The following WDFY3 variants were observed in gnomAD, a reference collection of about 807,000 sequenced individuals.
WDFY3 encodes the protein WD repeat and FYVE domain-containing protein 3.
A neutral mutation model predicts 409.6 loss-of-function variants in WDFY3; 66 were observed. The ratio of observed to expected loss-of-function variants is 0.16; its 90% CI spans 0.13 to 0.20. The LOEUF (loss-of-function observed/expected upper bound fraction) is 0.20. Ranked by LOEUF, WDFY3 falls within the 10% of genes least tolerant of loss-of-function variation. The pLI is 1.00. For synonymous variants in WDFY3, 1,521 were observed against 1,537.1 expected (o/e 0.99, Z 0.25); for missense variants, 3,031 against 4,298.1 (o/e 0.71, Z 8.24).
chr4:84,910,665 A>G (rs1251852293), intron 2 of WDFY3, among the ~76,000 whole-genome samples: 1 of 152,092 alleles, frequency 6.6e-6, no homozygotes, highest in East Asian at 1.9e-4. Flanking sequence ...AGCTGAAACT[A>G]TAAAGTTCTT....
rs1756660829 is a variant in WDFY3 at position 84,836,961 on chromosome 4, G to A, written c.544C>T (p.Arg182Cys). 1.3e-6 allele frequency: 2 copies of A among 1,585,158 alleles called. No homozygotes were observed. Among genetic ancestry groups the A allele is most frequent in the Admixed American group, 1.8e-5 (1 of 56,192 alleles). ...GAQNELPLAE[R>C]RGLLQKVFVQ... ...AAAACTTTCTGGAGTAGTCCTCGAC[G>A]TTCTGCTAGAGGTAGCTCATTCTGT... The change falls in exon 7 of 68, where the codon CGT becomes TGT. Residue 182 changes from arginine (R) to cysteine (C), a missense_variant. This residue lies in a region of WDFY3 where 1,322 missense variants were observed against 1,697.9 expected (regional missense o/e 0.78). Coordinates refer to ENST00000295888, the MANE Select transcript of WDFY3 (RefSeq NM_014991.6).
chr4:84,677,479 G>C, intron 66 of WDFY3, 83 bp from the exon 67 acceptor site: 1 of 1,381,238 alleles, frequency 7.2e-7, no homozygotes, highest in Non-Finnish European at 9.7e-7. Flanking sequence ...TTTGGTGGAT[G>C]TGTGTTTTGA....
chr4:84,788,115 TA>T (rs1483977467), intron 22 of WDFY3, among the ~76,000 whole-genome samples: 1 of 152,194 alleles, frequency 6.6e-6, no homozygotes, highest in African/African-American at 2.4e-5. Context: ...GTCTGTTAAC[TA>T]AAATTACTGA....
chr4:84,773,529 C>T lies in WDFY3; in HGVS notation c.4755-600G>A, dbSNP rs780770905. 3.3e-5 allele frequency among the ~76,000 whole-genome samples: 5 copies of T among 151,974 alleles called. No individual in the cohort carries two copies. The East Asian group carries it at 9.7e-4, about 29-fold the overall frequency. Reference sequence around the variant, plus strand: ...ACTGTATCACATTCGAATTACGTGACCTGGGGCTTTGTTTCTTCATTTATA... The same window carrying T: ...ACTGTATCACATTCGAATTACGTGATCTGGGGCTTTGTTTCTTCATTTATA... On this transcript the variant is annotated intron_variant, in intron 29 of 67. Coordinates refer to ENST00000295888, the MANE Select transcript of WDFY3 (RefSeq NM_014991.6).
At chr4:84,677,456 A>G in intron 66 of WDFY3, 60 bp from the exon 67 acceptor site, 1 of 1,465,028 alleles carries the variant, frequency 6.8e-7, no homozygotes, top group Non-Finnish European at 9.1e-7. Context: ...CTCCTTCTTG[A>G]GGCTCTCTGG....
At chr4:84,695,879 T>C (rs1473641916) in intron 58 of WDFY3, 91 bp downstream of exon 58, 2 of 1,239,486 alleles carry the variant, frequency 1.6e-6, no homozygotes, top group Admixed American at 2.4e-5. Flanking sequence ...TAAGTTAATC[T>C]AAACTTAATT....
At chr4:84,702,206 C>A (rs1440894503) in intron 56 of WDFY3, 147 bp downstream of exon 56, 3 of 874,590 alleles carry the variant, frequency 3.4e-6, no homozygotes, top group Non-Finnish European at 5.0e-6. Flanking sequence ...CATGTAACCA[C>A]ACCCAATTAC....
At chr4:84,781,949 A>G (rs935849385) in intron 25 of WDFY3, among the ~76,000 whole-genome samples, 5 of 152,226 alleles carry the variant, frequency 3.3e-5, no homozygotes, top group African/African-American at 1.2e-4. Flanking sequence ...TCTGACCAGC[A>G]CAACACTAAC....
intron 12 of WDFY3, among the ~76,000 whole-genome samples, chr4:84,818,325 A>G (rs534621141): frequency 6.6e-6 from 1 of 152,100 alleles, no homozygotes; most frequent in African/African-American, 2.4e-5. Flanking sequence ...CCAGTGACTG[A>G]AATCACTAAT....
chr4:84,733,666 G>C, intron 43 of WDFY3, 57 bp from the exon 44 acceptor site: 1 of 1,456,458 alleles, frequency 6.9e-7, no homozygotes, highest in Admixed American at 2.2e-5. Context: ...ACAGTAACAA[G>C]TCTACAAGTC....
intron 62 of WDFY3, among the ~76,000 whole-genome samples, chr4:84,685,065 T>C (rs1317225447): frequency 6.6e-6 from 1 of 152,224 alleles, no homozygotes; most frequent in Non-Finnish European, 1.5e-5. Context: ...CCAAAGCTTA[T>C]ATACCATACC....
chr4:84,713,384 T>C (rs997206664), intron 50 of WDFY3, 145 bp from the exon 51 acceptor site: 2 of 657,534 alleles, frequency 3.0e-6, no homozygotes, highest in East Asian at 2.7e-5. Context: ...AAGGAATATA[T>C]AAATTTTGGA....
intron 13 of WDFY3, among the ~76,000 whole-genome samples, chr4:84,810,556 A>G (rs1470863120): frequency 2.0e-5 from 3 of 152,216 alleles, no homozygotes; most frequent in South Asian, 2.1e-4. Context: ...ACACTATCAC[A>G]TATTTCTTTG....
chr4:84,798,499 A>G (rs1749909742), intron 17 of WDFY3, among the ~76,000 whole-genome samples: 1 of 152,168 alleles, frequency 6.6e-6, no homozygotes, highest in South Asian at 2.1e-4. Flanking sequence ...TTATAAATTC[A>G]TTTTTTAGAA....
At chr4:84,865,102 T>C (rs1560955898) in intron 3 of WDFY3, among the ~76,000 whole-genome samples, 1 of 152,058 alleles carries the variant, frequency 6.6e-6, no homozygotes, top group Non-Finnish European at 1.5e-5. Context: ...TTGCCCAGAC[T>C]GGTCTCAAAC....
intron 5 of WDFY3, among the ~76,000 whole-genome samples, chr4:84,848,867 T>C (rs752816852): frequency 9.9e-5 from 15 of 152,186 alleles, no homozygotes; most frequent in Admixed American, 2.0e-4. Flanking sequence ...GGTTTTGTAT[T>C]AAATACATTT....
chr4:84,833,475 G>C (rs1355104436), intron 7 of WDFY3, among the ~76,000 whole-genome samples: 3 of 151,930 alleles, frequency 2.0e-5, no homozygotes, highest in Non-Finnish European at 2.9e-5. Context: ...CCAGGAGTTT[G>C]AGACCAGCCT....
chr4:84,694,800 TGTTTC>T (rs1253280323), intron 58 of WDFY3, among the ~76,000 whole-genome samples: 3 of 152,040 alleles, frequency 2.0e-5, no homozygotes, highest in Non-Finnish European at 4.4e-5. Flanking sequence ...AAAGTAAACA[TGTTTC>T]TTTTATTAGG....
chr4:84,910,286 C>T (rs959287210), intron 2 of WDFY3, among the ~76,000 whole-genome samples: 10 of 152,060 alleles, frequency 6.6e-5, no homozygotes, highest in African/African-American at 2.2e-4. Context: ...GATTTTGGTG[C>T]TTGAGGAAGG....
Sources: allele counts gnomAD v4.1 joint callset (sites outside exome capture counted in the v4.1 genomes callset), GRCh38; gene constraint gnomAD v4.1.1; regional missense constraint gnomAD v4.1.1; transcripts MANE v1.5; gene names NCBI Gene and HGNC (gene_info 2026-07-23, HGNC 2026-07-21).